Variants in SPDEF observed in about 807,000 individuals in gnomAD.
SPDEF encodes the protein SAM pointed domain-containing Ets transcription factor.
Under a neutral mutation model 36.0 loss-of-function variants are expected in SPDEF, and 12 were observed. The observed-to-expected ratio is 0.33, with a 90% CI of 0.21 to 0.54. The LOEUF (loss-of-function observed/expected upper bound fraction) is 0.54. Ranked by LOEUF, SPDEF falls within the 20% of genes least tolerant of loss-of-function variation. SPDEF has a pLI of 0.93. For missense variants in SPDEF, 388 were observed against 456.9 expected, an observed-to-expected ratio of 0.85 and a Z score of 1.37; for synonymous variants, 205 against 193.0, an observed-to-expected ratio of 1.06 and a Z score of -0.51.
rs1768080016 is a variant in SPDEF at position 34,552,365 on chromosome 6, C to A, written c.-30+3564G>T. The stretch of plus-strand genomic sequence containing the variant: ...AGCTCTGCTGCTCCTGCCTGAGGCC[C>A]CTTGGCCGATCCTCTTGGCCTCAGC... On this transcript the variant is annotated intron_variant, in intron 1 of 5. Coordinates refer to ENST00000374037, the MANE Select transcript of SPDEF (RefSeq NM_012391.3). This position sits in a 1 kb window ranked among gnomAD's most constrained non-coding sequence, Gnocchi z 4.6. Among the ~76,000 whole-genome samples the A allele has an allele frequency of 1.3e-5, 2 of 152,234 alleles. No individual in the cohort carries two copies. Among genetic ancestry groups the A allele is most frequent in the African/African-American group, 4.8e-5 (2 of 41,454 alleles).
In SPDEF at chr6:34,555,153, A is replaced by G. The variant is rs1486815411; in HGVS notation, c.-30+776T>C. ...ACACACGCACGCACACACCTCCACCAGCCTCAGGGGCACCCAGTCGCCCAG... is the reference window on the plus strand; with the variant it reads ...ACACACGCACGCACACACCTCCACCGGCCTCAGGGGCACCCAGTCGCCCAG... On this transcript the variant is annotated intron_variant, in intron 1 of 5. Transcript: ENST00000374037. This position sits in a 1 kb window ranked among gnomAD's most constrained non-coding sequence, Gnocchi z 5.2. Among the ~76,000 whole-genome samples, 1 of 151,940 alleles carries G rather than the reference A, an allele frequency of 6.6e-6. No individual in the cohort carries two copies. The highest frequency in any genetic ancestry group is 1.5e-5 in the Non-Finnish European group (1 of 67,970).
rs562313046 is a variant in SPDEF, at chr6:34,538,934, G to A, written c.829+316C>T. Among the ~76,000 whole-genome samples, 86 of 152,288 alleles carry A rather than the reference G, an allele frequency of 5.6e-4. 1 individual carries two copies. Among genetic ancestry groups the A allele is most frequent in the Non-Finnish European group, 8.8e-4 (60 of 68,018 alleles). On this transcript the variant is annotated intron_variant, in intron 5 of 5. Transcript: ENST00000374037. The surrounding 1 kb of genome is among the most constrained non-coding windows in gnomAD (Gnocchi z 5.9). ...CCTCTTTGCTATTCTCAGGCAGTTC[G>A]GCCTGTGCAGCCCTCTCTGGCAGGA...
In SPDEF at chr6:34,538,173, C is replaced by T; in HGVS notation, c.*101G>A. 1 of 1,325,566 alleles carries T rather than the reference C, an allele frequency of 7.5e-7. No homozygotes were observed. Among genetic ancestry groups the T allele is most frequent in the Non-Finnish European group, 1.0e-6 (1 of 952,762 alleles). 82.1% of individuals were successfully genotyped at this position (1,325,566 alleles called of 1,614,324 possible). A position where few individuals can be genotyped will look rare whatever the true frequency, so the allele number is the denominator to read the frequency against. The stretch of plus-strand genomic sequence containing the variant: ...CTTGGGCTCTGGAAGGTCAGAGCAG[C>T]AGAGCAGACTGCCCGTTTTCCCCCA... On this transcript the variant is annotated 3_prime_UTR_variant, in exon 6 of 6. Coordinates refer to ENST00000374037, the MANE Select transcript of SPDEF (RefSeq NM_012391.3). This position sits in a 1 kb window ranked among gnomAD's most constrained non-coding sequence, Gnocchi z 5.9.
Position 34,555,133 on chromosome 6 carries a change from C to T in SPDEF, c.-30+796G>A, listed in dbSNP as rs1000716277. 7.2e-5 allele frequency among the ~76,000 whole-genome samples: 11 copies of T among 152,188 alleles called. No homozygotes were observed. Among genetic ancestry groups the T allele is most frequent in the East Asian group, 5.8e-4 (3 of 5,166 alleles). On this transcript the variant is annotated intron_variant, in intron 1 of 5. Transcript: ENST00000374037. This position sits in a 1 kb window ranked among gnomAD's most constrained non-coding sequence, Gnocchi z 5.2. ...ACACACATACTTCCGCGCACACACA[C>T]GCACGCACACACCTCCACCAGCCTC...
intron 1 of SPDEF, among the ~76,000 whole-genome samples, chr6:34,554,872 T>C (rs986382717): frequency 6.6e-6 from 1 of 152,112 alleles, no homozygotes; most frequent in African/African-American, 2.4e-5. Flanking sequence ...GCAGCTTTAT[T>C]GGGGAGGTTG....
At position 34,539,561 on chromosome 6, in the gene SPDEF, C is replaced by G; in HGVS notation, c.636G>C (p.Ala212=). ...LHAHLDIWKS[A]AWMKERTSPG... ...GTGAAGTCCGCTCTTTCATCCAGGC[C>G]GCTGCAGGGCAAGGAGAGGGGGTTG... The change falls in exon 4 of 6, where the codon GCG becomes GCC. Residue 212 remains alanine (A), a splice_region_variant and synonymous_variant. Transcript: ENST00000374037. This position sits in a 1 kb window ranked among gnomAD's most constrained non-coding sequence, Gnocchi z 5.2. The G allele has an allele frequency of 6.4e-7, 1 of 1,568,090 alleles. No homozygotes were observed. Among genetic ancestry groups the G allele is most frequent in the Non-Finnish European group, 8.6e-7 (1 of 1,157,184 alleles).
intron 2 of SPDEF, among the ~76,000 whole-genome samples, chr6:34,541,700 C>T (rs569171228): frequency 5.9e-5 from 9 of 152,372 alleles, no homozygotes; most frequent in Non-Finnish European, 8.8e-5. Flanking sequence ...TTGTCCTCCA[C>T]GGAATAAAGG....
Position 34,540,987 on chromosome 6 carries a change from A to C in SPDEF, c.631T>G (p.Ser211Ala), listed in dbSNP as rs750631701. 1.2e-6 allele frequency: 2 copies of C among 1,610,096 alleles called. No homozygotes were observed. Residue 211 changes from serine (S) to alanine (A), a missense_variant, in exon 3 of 6, where the codon TCA becomes GCA. Transcript: ENST00000374037. ...TCCCAGCCATGCCACATCCTACCTG[A>C]CTTCCAGATGTCCAGGTGGGCGTGC... is the stretch of plus-strand genomic sequence containing the variant. ...VLHAHLDIWKSAAWMKERTSP... is the reference protein window; with the variant it reads ...VLHAHLDIWKAAAWMKERTSP...
rs190238928 is a variant in SPDEF at position 34,537,990 on chromosome 6, A to G, written c.*284T>C. On this transcript the variant is annotated 3_prime_UTR_variant, in exon 6 of 6. Coordinates refer to ENST00000374037, the MANE Select transcript of SPDEF (RefSeq NM_012391.3). ...TGCCCTTCTGTAGGCTCTGCTCTGG[A>G]AATGCTGGGGTCAGAGGCAGGTGTT... The G allele has an allele frequency of 8.0e-4, 302 of 375,944 alleles. 2 individuals are homozygous for G. Among genetic ancestry groups the G allele is most frequent in the African/African-American group, 5.4e-3 (269 of 49,906 alleles). 23.3% of individuals were successfully genotyped at this position (375,944 alleles called of 1,614,324 possible). A position where few individuals can be genotyped will look rare whatever the true frequency, so the allele number is the denominator to read the frequency against.
chr6:34,544,390 C>G lies in SPDEF; in HGVS notation c.66G>C (p.Thr22=). Residue 22 remains threonine, a synonymous_variant, in exon 2 of 6, where the codon ACG becomes ACC. Transcript: ENST00000374037. The surrounding 1 kb of genome is among the most constrained non-coding windows in gnomAD (Gnocchi z 4.4). ...CCTTCTCCAAGCCTGTCCGCGACAC[C>G]GTGTCGGGGGGCAGCAGGAGGTGGC... is the stretch of plus-strand genomic sequence containing the variant. ...SPSHLLLPPD[T]VSRTGLEKAA... 2 of 1,593,096 alleles carry G rather than the reference C, an allele frequency of 1.3e-6. No individual in the cohort carries two copies. Among genetic ancestry groups the G allele is most frequent in the Admixed American group, 1.7e-5 (1 of 59,270 alleles).
Position 34,538,075 on chromosome 6 carries a change from ACCCCTG to A in SPDEF, c.*193_*198del, listed in dbSNP as rs767811920. The A allele has an allele frequency of 9.0e-6, 5 of 554,784 alleles. No individual in the cohort carries two copies. Among genetic ancestry groups the A allele is most frequent in the Non-Finnish European group, 1.6e-5 (5 of 315,428 alleles). 34.4% of individuals were successfully genotyped at this position (554,784 alleles called of 1,614,324 possible). A position where few individuals can be genotyped will look rare whatever the true frequency, so the allele number is the denominator to read the frequency against. ...GAGCAGCTGGGCCTGAGGAGGAAGC[ACCCCTG>A]CCCCAGGGTCCCGAAGGCCCCAGAG... On this transcript the variant is annotated 3_prime_UTR_variant, in exon 6 of 6. Coordinates refer to ENST00000374037, the MANE Select transcript of SPDEF (RefSeq NM_012391.3). The surrounding 1 kb of genome is among the most constrained non-coding windows in gnomAD (Gnocchi z 5.9).
rs374206315 is a variant in SPDEF, at chr6:34,539,392, C to T, written c.687G>A (p.Ser229=). ...TSPGAIHYCA[S]TSEESWTDSE... is the part of the protein sequence containing the mutation. ...TGTCGGTCCAGCTCTCCTCACTGGT[C>T]GAGGCTGGGTGGCCAGGGAGGGTGG... is the stretch of plus-strand genomic sequence containing the variant. The change falls in exon 5 of 6, where the codon TCG becomes TCA. Residue 229 remains serine (S), a synonymous_variant. Transcript: ENST00000374037. This position sits in a 1 kb window ranked among gnomAD's most constrained non-coding sequence, Gnocchi z 5.2. The T allele has an allele frequency of 6.2e-7, 1 of 1,613,530 alleles. No homozygotes were observed. Among genetic ancestry groups the T allele is most frequent in the Non-Finnish European group, 8.5e-7 (1 of 1,179,990 alleles).
At chr6:34,548,273 C>T (rs1332452402) in intron 1 of SPDEF, among the ~76,000 whole-genome samples, 1 of 152,154 alleles carries the variant, frequency 6.6e-6, no homozygotes, top group African/African-American at 2.4e-5. Context: ...GCTCACTGGA[C>T]CACATTCTCT....
chr6:34,540,980 C>T lies in SPDEF; in HGVS notation c.634+4G>A, dbSNP rs762672644. On this transcript the variant is annotated splice_donor_region_variant and intron_variant, in intron 3 of 5. Transcript: ENST00000374037. ...GGGCTGCTCCCAGCCATGCCACATC[C>T]TACCTGACTTCCAGATGTCCAGGTG... is the stretch of plus-strand genomic sequence containing the variant. 4 of 1,609,600 alleles carry T rather than the reference C, an allele frequency of 2.5e-6. No homozygotes were observed. The South Asian group carries it at 3.3e-5, about 13-fold the overall frequency.
chr6:34,540,715 C>T (rs1221947261), intron 3 of SPDEF, among the ~76,000 whole-genome samples: 1 of 152,216 alleles, frequency 6.6e-6, no homozygotes, highest in Non-Finnish European at 1.5e-5. Flanking sequence ...CCAGCTCTGA[C>T]ATCCTGCATC....
Position 34,538,646 on chromosome 6 carries a change from G to A in SPDEF, c.830-194C>T, listed in dbSNP as rs1057195963. Among the ~76,000 whole-genome samples, 12 of 152,126 alleles carry A rather than the reference G, an allele frequency of 7.9e-5. No homozygotes were observed. The highest frequency in any genetic ancestry group is 7.9e-4 in the Admixed American group (12 of 15,280). On this transcript the variant is annotated intron_variant, in intron 5 of 5. Transcript: ENST00000374037. The surrounding 1 kb of genome is among the most constrained non-coding windows in gnomAD (Gnocchi z 5.9). ...GTAGTTGCGGTGAGGTTAAAGAGAC[G>A]TGTGCAAAGCAGGTGCCACAGGCCC...
At chr6:34,542,124 C>T (rs567488533) in intron 2 of SPDEF, among the ~76,000 whole-genome samples, 35 of 152,312 alleles carry the variant, frequency 2.3e-4, no homozygotes, top group African/African-American at 8.4e-4. Context: ...CTGGCATGGG[C>T]ATTGGGAAAC....
Position 34,539,590 on chromosome 6 carries a change from AC to A in SPDEF, c.635-29del, listed in dbSNP as rs1767774802. 1.3e-6 allele frequency: 2 copies of A among 1,557,710 alleles called. No individual in the cohort carries two copies. Reference sequence around the variant, plus strand: ...GCAGGGCAAGGAGAGGGGGTTGGGGACCCAGGAGAGGCCCCGAGGGTGGAGG... The same window carrying A: ...GCAGGGCAAGGAGAGGGGGTTGGGGACCAGGAGAGGCCCCGAGGGTGGAGG... On this transcript the variant is annotated intron_variant, in intron 3 of 5. Transcript: ENST00000374037. The surrounding 1 kb of genome is among the most constrained non-coding windows in gnomAD (Gnocchi z 5.2).
At position 34,538,771 on chromosome 6, in the gene SPDEF, G is replaced by A. The variant is rs1309609226; in HGVS notation, c.830-319C>T. On this transcript the variant is annotated intron_variant, in intron 5 of 5. Transcript: ENST00000374037. The surrounding 1 kb of genome is among the most constrained non-coding windows in gnomAD (Gnocchi z 5.9). ...CTGGGGCCCTGCAGGCCTGGCCCTT[G>A]CCAACTCCTGCTTCTGTGTGGGGTT... 2.0e-5 allele frequency among the ~76,000 whole-genome samples: 3 copies of A among 152,148 alleles called. No individual in the cohort carries two copies. Among genetic ancestry groups the A allele is most frequent in the Non-Finnish European group, 4.4e-5 (3 of 68,004 alleles).
Sources: allele counts gnomAD v4.1 joint callset (sites outside exome capture counted in the v4.1 genomes callset), GRCh38; gene constraint gnomAD v4.1.1; non-coding constraint Gnocchi (gnomAD v3.1); transcripts MANE v1.5; gene names NCBI Gene and HGNC (gene_info 2026-07-23, HGNC 2026-07-21).